Variants in PHYH observed in about 807,000 individuals in gnomAD.
The protein encoded by PHYH is phytanoyl-CoA dioxygenase, peroxisomal.
Under a neutral mutation model 38.5 loss-of-function variants are expected in PHYH, and 32 were observed. The ratio of observed to expected loss-of-function variants is 0.83; its 90% CI spans 0.63 to 1.12. The LOEUF (loss-of-function observed/expected upper bound fraction) is 1.12. PHYH is among the 50% of genes most tolerant of loss of function. The pLI is 0.00. For missense variants in PHYH, 426 were observed against 434.8 expected (o/e 0.98, Z 0.18); for synonymous variants, 166 against 157.9 (o/e 1.05, Z -0.38).
Position 13,295,578 on chromosome 10 carries a change from G to C in PHYH, c.163C>G (p.Leu55Val). 1 of 1,434,578 alleles carries C rather than the reference G, an allele frequency of 7.0e-7. No homozygotes were observed. The allele number at this position is 1,434,578 out of a possible 1,614,324, so 88.9% of individuals were successfully genotyped here. The change falls in exon 3 of 9, where the codon CTG becomes GTG. Residue 55 changes from leucine (L) to valine (V), a missense_variant. By Grantham distance (32) the Leu-to-Val change is conservative. Coordinates refer to ENST00000263038, the MANE Select transcript of PHYH (RefSeq NM_006214.4). ...TCTTCATAAAATTTTCTCTGTTCCA[G>C]GGTTAGAACGTTATTATCCAGAGTA... ...QYTLDNNVLT[L>V]EQRKFYEENG...
chr10:13,299,449 T>C (rs986438620), intron 1 of PHYH: 14 of 1,001,878 alleles, frequency 1.4e-5, no homozygotes, highest in Non-Finnish European at 1.7e-5. Flanking sequence ...AGTGTCTTTA[T>C]ATAACTCAGT....
intron 2 of PHYH, 128 bp from the exon 3 acceptor site, chr10:13,295,734 G>C (rs1184421849): frequency 1.5e-6 from 1 of 648,530 alleles, no homozygotes; most frequent in African/African-American, 1.8e-5. Context: ...TCAGGAGTTT[G>C]AGACTAGCCC....
intron 7 of PHYH, among the ~76,000 whole-genome samples, chr10:13,283,421 G>A (rs192231002): frequency 1.3e-5 from 2 of 152,132 alleles, no homozygotes; most frequent in South Asian, 4.1e-4. Context: ...GAGCCACCGC[G>A]CCCGGCCCAT....
At chr10:13,299,631 T>A (rs1274104829) in intron 1 of PHYH, 1 of 1,128,104 alleles carries the variant, frequency 8.9e-7, no homozygotes, top group Non-Finnish European at 1.1e-6. Context: ...ATTGGACATC[T>A]CTGGGTCTCT....
intron 7 of PHYH, 122 bp from the exon 8 acceptor site, chr10:13,281,232 G>T: frequency 2.0e-6 from 2 of 997,518 alleles, no homozygotes; most frequent in Admixed American, 2.0e-5. Flanking sequence ...TAAGTGGAAA[G>T]TCAGGTCCAT....
intron 6 of PHYH, among the ~76,000 whole-genome samples, chr10:13,284,836 C>A (rs1293630880): frequency 1.3e-5 from 2 of 152,094 alleles, no homozygotes; most frequent in Non-Finnish European, 2.9e-5. Context: ...TAAGAGCATC[C>A]CCAGTTCCTT....
Position 13,278,045 on chromosome 10 carries a change from C to A in PHYH, c.*256G>T, listed in dbSNP as rs1301996341. 2.2e-6 allele frequency: 1 copy of A among 463,492 alleles called. No individual in the cohort carries two copies. Among genetic ancestry groups the A allele is most frequent in the Non-Finnish European group, 3.9e-6 (1 of 253,908 alleles). 28.7% of individuals were successfully genotyped at this position (463,492 alleles called of 1,614,324 possible). On this transcript the variant is annotated 3_prime_UTR_variant, in exon 9 of 9. Transcript: ENST00000263038. ...TTGATTTAACACTTAAATTAGACAC[C>A]AACCACCTTTATTGGCTGCCACCCT...
intron 1 of PHYH, chr10:13,299,494 G>C: frequency 4.0e-6 from 4 of 1,003,662 alleles, no homozygotes; most frequent in Non-Finnish European, 4.8e-6. Flanking sequence ...GGCCGCCCTG[G>C]GCAGCGCCTG....
rs1337328957 is a variant in PHYH, at chr10:13,281,004, A to G, written c.935T>C (p.Phe312Ser). The change falls in exon 8 of 9, where the codon TTT becomes TCT. Residue 312 changes from phenylalanine (F) to serine (S), a missense_variant. By Grantham distance (155) the Phe-to-Ser change is radical. Coordinates refer to ENST00000263038, the MANE Select transcript of PHYH (RefSeq NM_006214.4). ...CAAGTTCACGCTATTTTCAGCTCCA[A>G]AGAATTTATGTGCTATTCCTACAAC... ...KEVVGIAHKF[F>S]GAENSVNLKD... is the part of the protein sequence containing the mutation. The G allele has an allele frequency of 6.2e-7, 1 of 1,614,112 alleles. No homozygotes were observed. The highest frequency in any genetic ancestry group is 1.1e-5 in the South Asian group (1 of 91,072).
intron 7 of PHYH, among the ~76,000 whole-genome samples, chr10:13,282,362 G>A (rs1383343568): frequency 6.6e-6 from 1 of 152,108 alleles, no homozygotes. Flanking sequence ...AGGCCAAGGT[G>A]AGACGATCAC....
intron 8 of PHYH, among the ~76,000 whole-genome samples, chr10:13,279,819 C>T (rs1317585003): frequency 6.6e-6 from 1 of 152,152 alleles, no homozygotes; most frequent in Non-Finnish European, 1.5e-5. Flanking sequence ...AGGATGTTAG[C>T]TCAAAGCTCC....
chr10:13,294,925 A>AT (rs1206501922), intron 3 of PHYH: 14 of 385,530 alleles, frequency 3.6e-5, no homozygotes, highest in Non-Finnish European at 6.4e-5. Flanking sequence ...ATTTCACCGT[A>AT]TTTAGTCCTA....
intron 5 of PHYH, among the ~76,000 whole-genome samples, chr10:13,288,818 G>T (rs1242898500): frequency 6.6e-6 from 1 of 151,420 alleles, no homozygotes; most frequent in African/African-American, 2.4e-5. Flanking sequence ...GCTGAGGTGG[G>T]AGGATCACCT....
At chr10:13,287,837 C>T (rs557046944) in intron 6 of PHYH, among the ~76,000 whole-genome samples, 4 of 152,280 alleles carry the variant, frequency 2.6e-5, no homozygotes, top group Admixed American at 6.5e-5. Context: ...CTTACAATCT[C>T]GGATCCTATA....
At chr10:13,298,780 C>CTACTAA (rs1564430851) in intron 1 of PHYH, among the ~76,000 whole-genome samples, 173 of 140,902 alleles carry the variant, frequency 1.2e-3, no homozygotes, top group African/African-American at 4.2e-3. Context: ...ACTACTACTA[C>CTACTAA]TAATAATAAT....
chr10:13,289,282 G>C (rs1324239118), intron 5 of PHYH, among the ~76,000 whole-genome samples: 2 of 152,054 alleles, frequency 1.3e-5, no homozygotes, highest in African/African-American at 4.8e-5. Context: ...TGCAAGCTCC[G>C]CCTCCCAGGT....
At chr10:13,299,680 G>A (rs1368323461) in intron 1 of PHYH, 1 of 1,240,518 alleles carries the variant, frequency 8.1e-7, no homozygotes, top group Non-Finnish European at 1.0e-6. Context: ...GTGAAACGAC[G>A]TCTCCACAAA....
In PHYH at chr10:13,278,349, A is replaced by C; in HGVS notation, c.969T>G (p.Ile323Met). The change falls in exon 9 of 9, where the codon ATT becomes ATG. Residue 323 changes from isoleucine (I) to methionine (M), a missense_variant. Transcript: ENST00000263038. ...GAENSVNLKDIWMFRARLVKG... is the reference protein window; with the variant it reads ...GAENSVNLKDMWMFRARLVKG... ...TCACAAGTCGAGCTCGAAACATCCAAATATCCTGGAAATAATATCAAACAG... is the reference window on the plus strand; with the variant it reads ...TCACAAGTCGAGCTCGAAACATCCACATATCCTGGAAATAATATCAAACAG... 6.2e-7 allele frequency: 1 copy of C among 1,609,804 alleles called. No homozygotes were observed. Among genetic ancestry groups the C allele is most frequent in the Non-Finnish European group, 8.5e-7 (1 of 1,176,130 alleles).
At chr10:13,281,321 C>T (rs765479570) in intron 7 of PHYH, among the ~76,000 whole-genome samples, 1 of 151,298 alleles carries the variant, frequency 6.6e-6, no homozygotes, top group Non-Finnish European at 1.5e-5. Flanking sequence ...TTCAAAAGAT[C>T]GTTAACCAGA....
Sources: allele counts gnomAD v4.1 joint callset (sites outside exome capture counted in the v4.1 genomes callset), GRCh38; gene constraint gnomAD v4.1.1; transcripts MANE v1.5; gene names NCBI Gene and HGNC (gene_info 2026-07-23, HGNC 2026-07-21).